The following HIPK3 variants were observed in gnomAD, a reference collection of about 807,000 sequenced individuals.
HIPK3 encodes homeodomain interacting protein kinase 3, also known as homeodomain-interacting protein kinase 3.
HIPK3 carries 47 observed loss-of-function variants against 124.2 expected under a neutral mutation model. The observed-to-expected ratio is 0.38, with a 90% CI of 0.30 to 0.48. The LOEUF is 0.48. Among genes scored for constraint, HIPK3 ranks in the 20% least tolerant of loss-of-function variants. The pLI is 0.98. For missense variants in HIPK3, 1,286 were observed against 1,454.3 expected (o/e 0.88, Z 1.88); for synonymous variants, 482 against 515.2 (o/e 0.94, Z 0.87).
chr11:33,352,119 A>C lies in HIPK3; in HGVS notation c.3044-19A>C. The C allele has an allele frequency of 1.2e-6, 2 of 1,607,842 alleles. No homozygotes were observed. Among genetic ancestry groups the C allele is most frequent in the South Asian group, 1.1e-5 (1 of 90,834 alleles). ...AAAAGGAAAAAGCATAAACTCTTTA[A>C]TATTTTATTCGTCGCCAGATTCTAT... On this transcript the variant is annotated intron_variant, in intron 15 of 16. Transcript: ENST00000303296.
At chr11:33,305,852 T>A (rs532442057) in intron 2 of HIPK3, among the ~76,000 whole-genome samples, 5 of 136,286 alleles carry the variant, frequency 3.7e-5, no homozygotes, top group East Asian at 4.1e-4. Flanking sequence ...ACAATTTTTT[T>A]ATTTTTTTTT....
At chr11:33,306,096 A>G (rs1157728506) in intron 2 of HIPK3, among the ~76,000 whole-genome samples, 1 of 152,254 alleles carries the variant, frequency 6.6e-6, no homozygotes, top group Non-Finnish European at 1.5e-5. Flanking sequence ...ATTTCGTCTA[A>G]CTTAATTTAT....
At chr11:33,281,529 A>T (rs1198921961) in intron 1 of HIPK3, among the ~76,000 whole-genome samples, 1 of 152,204 alleles carries the variant, frequency 6.6e-6, no homozygotes, top group African/African-American at 2.4e-5. Context: ...AACAGGTGAT[A>T]CATGTATGTA....
intron 2 of HIPK3, among the ~76,000 whole-genome samples, chr11:33,298,460 A>G (rs1055059966): frequency 3.3e-5 from 5 of 152,230 alleles, no homozygotes; most frequent in African/African-American, 1.2e-4. Flanking sequence ...TGCATGCATC[A>G]GGGAGTCATT....
intron 2 of HIPK3, among the ~76,000 whole-genome samples, chr11:33,313,232 A>G (rs1852400771): frequency 1.3e-5 from 2 of 152,242 alleles, no homozygotes; most frequent in Admixed American, 6.5e-5. Flanking sequence ...TGACAGTGTC[A>G]TGAAAACCAC....
intron 4 of HIPK3, among the ~76,000 whole-genome samples, chr11:33,337,680 T>A (rs2133981541): frequency 6.6e-6 from 1 of 150,622 alleles, no homozygotes; most frequent in South Asian, 2.1e-4. Context: ...CTCTTTCTCT[T>A]TTTCTTTTTT....
At chr11:33,278,074 C>T (rs1020882360) in intron 1 of HIPK3, among the ~76,000 whole-genome samples, 8 of 152,062 alleles carry the variant, frequency 5.3e-5, no homozygotes, top group Non-Finnish European at 7.4e-5. Context: ...TCAAATTTGT[C>T]ATATTTTCCC....
chr11:33,339,500 A>T lies in HIPK3; in HGVS notation c.1579A>T (p.Met527Leu). 6.2e-7 allele frequency: 1 copy of T among 1,608,144 alleles called. No individual in the cohort carries two copies. The highest frequency in any genetic ancestry group is 8.5e-7 in the Non-Finnish European group (1 of 1,175,806). Residue 527 changes from methionine (M) to leucine (L), a missense_variant, in exon 6 of 17, where the codon ATG becomes TTG. This residue lies in a region of HIPK3 where 810 missense variants were observed against 864.9 expected (regional missense o/e 0.94). Transcript: ENST00000303296. ...GACCCTGAACCATCCTTTTGTTAAT[A>T]TGAAACATCTTCTAGATTTCCCTCA... ...AETLNHPFVN[M>L]KHLLDFPHSN...
intron 2 of HIPK3, among the ~76,000 whole-genome samples, chr11:33,327,716 T>G (rs111622795): frequency 1.3e-5 from 2 of 152,214 alleles, no homozygotes; most frequent in African/African-American, 4.8e-5. Flanking sequence ...TCTGTAAGAT[T>G]GAGATTGTTT....
chr11:33,268,382 G>A (rs1361798358), intron 1 of HIPK3, among the ~76,000 whole-genome samples: 1 of 151,686 alleles, frequency 6.6e-6, no homozygotes, highest in African/African-American at 2.4e-5. Context: ...ATTGCTTGAA[G>A]CCAGGAGTTC....
chr11:33,314,652 T>A (rs564455179), intron 2 of HIPK3, among the ~76,000 whole-genome samples: 1 of 152,200 alleles, frequency 6.6e-6, no homozygotes, highest in Non-Finnish European at 1.5e-5. Context: ...AGAGACTCCA[T>A]CTCACACACA....
In HIPK3 at chr11:33,356,750, T is replaced by G. The variant is rs1170459688; in HGVS notation, c.*3182T>G. The G allele has an allele frequency of 6.6e-6, 1 of 152,140 alleles. No homozygotes were observed. The highest frequency in any genetic ancestry group is 1.5e-5 in the Non-Finnish European group (1 of 67,968). 9.4% of individuals were successfully genotyped at this position (152,140 alleles called of 1,614,324 possible). A position where few individuals can be genotyped will look rare whatever the true frequency, so the allele number is the denominator to read the frequency against. On this transcript the variant is annotated 3_prime_UTR_variant, in exon 17 of 17. Transcript: ENST00000303296. ...TTTCTTTCTTTGGTTTATTTGTTTT[T>G]GCTTTTACTCCTATGCTACACTAGT...
At chr11:33,299,472 CA>C (rs946621693) in intron 2 of HIPK3, among the ~76,000 whole-genome samples, 1,561 of 142,572 alleles carry the variant, frequency 0.011, 7 homozygotes, top group Non-Finnish European at 0.015. Flanking sequence ...GACTCTGTCT[CA>C]AAAAAAAAAG....
chr11:33,352,116 T>G, intron 15 of HIPK3, 22 bp from the exon 16 acceptor site: 1 of 1,606,964 alleles, frequency 6.2e-7, no homozygotes, highest in Non-Finnish European at 8.5e-7. Flanking sequence ...CATAAACTCT[T>G]TAATATTTTA....
chr11:33,261,331 C>T (rs1181897929), intron 1 of HIPK3, among the ~76,000 whole-genome samples: 1 of 151,568 alleles, frequency 6.6e-6, no homozygotes, highest in Non-Finnish European at 1.5e-5. Flanking sequence ...AGCCTAGTGC[C>T]CAATAGTTAT....
intron 2 of HIPK3, among the ~76,000 whole-genome samples, chr11:33,310,570 G>A (rs1457315988): frequency 6.6e-6 from 1 of 152,002 alleles, no homozygotes; most frequent in Admixed American, 6.6e-5. Context: ...TGGCCTCCCA[G>A]AGTACTTGGA....
At chr11:33,328,435 T>G in intron 2 of HIPK3, 75 bp from the exon 3 acceptor site, 1 of 1,442,742 alleles carries the variant, frequency 6.9e-7, no homozygotes, top group Non-Finnish European at 9.6e-7. Context: ...TTTACCAACT[T>G]CCTAGAATGC....
At chr11:33,268,509 T>A (rs983088144) in intron 1 of HIPK3, among the ~76,000 whole-genome samples, 1 of 149,960 alleles carries the variant, frequency 6.7e-6, no homozygotes, top group Non-Finnish European at 1.5e-5. Flanking sequence ...AAAGATCATT[T>A]GAACCTAGGA....
chr11:33,322,201 G>T (rs1038856121), intron 2 of HIPK3, among the ~76,000 whole-genome samples: 1 of 151,844 alleles, frequency 6.6e-6, no homozygotes, highest in Non-Finnish European at 1.5e-5. Context: ...GGGTTTCACC[G>T]TGTTAGCCAG....
Sources: allele counts gnomAD v4.1 joint callset (sites outside exome capture counted in the v4.1 genomes callset), GRCh38; gene constraint gnomAD v4.1.1; regional missense constraint gnomAD v4.1.1; transcripts MANE v1.5; gene names NCBI Gene and HGNC (gene_info 2026-07-23, HGNC 2026-07-21).